The following PCDHGA6 variants were observed in gnomAD, a reference collection of about 807,000 sequenced individuals.
PCDHGA6 encodes the protein protocadherin gamma-A6.
A neutral mutation model predicts 60.6 loss-of-function variants in PCDHGA6; 41 were observed. That is an observed-to-expected ratio of 0.68 (90% CI 0.53 to 0.88). The LOEUF (loss-of-function observed/expected upper bound fraction) is 0.88. Among genes scored for constraint, PCDHGA6 ranks in the 40% least tolerant of loss-of-function variants. The pLI is 0.00. For synonymous variants in PCDHGA6, 594 were observed against 524.4 expected (o/e 1.13, Z -1.81); for missense variants, 1,312 against 1,203.0 (o/e 1.09, Z -1.34).
Position 141,493,788 on chromosome 5 carries a change from C to A in PCDHGA6, c.2425-1019C>A, listed in dbSNP as rs2099750132. On this transcript the variant is annotated intron_variant, in intron 1 of 3. Transcript: ENST00000517434. This position sits in a 1 kb window ranked among gnomAD's most constrained non-coding sequence, Gnocchi z 4.3. ...ACTGGCAGTTCCGGAGCTTCCTTCT[C>A]CCTGGAGTAATCTGAGATACTCACA... 6.6e-6 allele frequency among the ~76,000 whole-genome samples: 1 copy of A among 152,162 alleles called. No homozygotes were observed. The highest frequency in any genetic ancestry group is 1.5e-5 in the Non-Finnish European group (1 of 68,026).
rs1247382831 is a variant in PCDHGA6 at position 141,388,673 on chromosome 5, G to A, written c.2424+12166G>A. On this transcript the variant is annotated intron_variant, in intron 1 of 3. Transcript: ENST00000517434. ...TGTACCCGGGGACCACGGTGCTACA[G>A]GTGACTGCCACGGACCAGGATGAGG... The A allele has an allele frequency of 2.5e-6, 4 of 1,613,942 alleles. No homozygotes were observed. In the South Asian group the frequency reaches 3.3e-5, roughly 13 times the overall value.
rs751145850 is a variant in PCDHGA6 at position 141,432,148 on chromosome 5, G to A, written c.2424+55641G>A. The A allele has an allele frequency of 6.1e-5, 99 of 1,613,884 alleles. No individual in the cohort carries two copies. The Admixed American group carries it at 1.5e-3, about 24-fold the overall frequency. On this transcript the variant is annotated intron_variant, in intron 1 of 3. Transcript: ENST00000517434. The surrounding 1 kb of genome is among the most constrained non-coding windows in gnomAD (Gnocchi z 6.0). ...CCTCCTATTCCGCTTATATCCCAGA[G>A]AACAATCCCAGAGGAGTTTCCCTCG...
intron 1 of PCDHGA6, among the ~76,000 whole-genome samples, chr5:141,474,250 A>G (rs2099346141): frequency 6.6e-6 from 1 of 152,236 alleles, no homozygotes; most frequent in East Asian, 1.9e-4. Flanking sequence ...GGGGAAAAAA[A>G]GACTGATAAA....
intron 1 of PCDHGA6, among the ~76,000 whole-genome samples, chr5:141,380,866 A>G (rs945856253): frequency 3.3e-5 from 5 of 152,264 alleles, no homozygotes; most frequent in Admixed American, 3.3e-4. Context: ...GAGAGCTATA[A>G]CCTCCAAACA....
At chr5:141,388,112 C>T (rs1399745232) in intron 1 of PCDHGA6, 1 of 1,408,080 alleles carries the variant, frequency 7.1e-7, no homozygotes, top group South Asian at 1.2e-5. Flanking sequence ...CTTACTTCAC[C>T]GTGAGCGCAG....
chr5:141,467,042 G>T (rs2099134710), intron 1 of PCDHGA6, among the ~76,000 whole-genome samples: 1 of 149,884 alleles, frequency 6.7e-6, no homozygotes. Context: ...TTTGTGTAAT[G>T]AATCAATGTT....
At chr5:141,429,599 A>G (rs2097227286) in intron 1 of PCDHGA6, among the ~76,000 whole-genome samples, 1 of 152,238 alleles carries the variant, frequency 6.6e-6, no homozygotes, top group Non-Finnish European at 1.5e-5. Flanking sequence ...TAATTCAAGT[A>G]AACTCAATTT....
intron 1 of PCDHGA6, among the ~76,000 whole-genome samples, chr5:141,453,823 G>A (rs2154564414): frequency 6.6e-6 from 1 of 152,250 alleles, no homozygotes; most frequent in South Asian, 2.1e-4. Flanking sequence ...GACAAACTTG[G>A]CTGCTAGCCC....
rs1428910817 is a variant in PCDHGA6, at chr5:141,390,296, A to G, written c.2424+13789A>G. ...CTTCCCATCAGGTGAGTTTCCTTTA[A>G]GTATAATTTAATGCTCATTGCCTAC... On this transcript the variant is annotated intron_variant, in intron 1 of 3. Coordinates refer to ENST00000517434, the MANE Select transcript of PCDHGA6 (RefSeq NM_018919.3). 7 of 1,613,806 alleles carry G rather than the reference A, an allele frequency of 4.3e-6. No individual in the cohort carries two copies. The Admixed American group carries it at 1.2e-4, about 27-fold the overall frequency.
chr5:141,479,767 C>G (rs2099505975), intron 1 of PCDHGA6: 1 of 152,174 alleles, frequency 6.6e-6, no homozygotes, highest in African/African-American at 2.4e-5. Flanking sequence ...AAATTCATAT[C>G]CTTAGACAGG....
rs1184232947 is a variant in PCDHGA6 at position 141,487,060 on chromosome 5, G to T, written c.2425-7747G>T. ...TCTCTCGATATGCTGGGGAGGTGCG[G>T]ACGGCTGTTCCTATCCCAGCTGACC... On this transcript the variant is annotated intron_variant, in intron 1 of 3. Transcript: ENST00000517434. This position sits in a 1 kb window ranked among gnomAD's most constrained non-coding sequence, Gnocchi z 5.0. The T allele has an allele frequency of 1.9e-6, 3 of 1,614,182 alleles. No individual in the cohort carries two copies. In the East Asian group the frequency reaches 6.7e-5, roughly 36 times the overall value.
At chr5:141,478,559 A>T (rs938780510) in intron 1 of PCDHGA6, 1 of 1,599,454 alleles carries the variant, frequency 6.3e-7, no homozygotes, top group Non-Finnish European at 8.5e-7. Context: ...AAGGTTTAGC[A>T]AGTCATGCTT....
At chr5:141,473,808 C>G (rs1562041705) in intron 1 of PCDHGA6, among the ~76,000 whole-genome samples, 1 of 152,198 alleles carries the variant, frequency 6.6e-6, no homozygotes, top group Non-Finnish European at 1.5e-5. Flanking sequence ...TACTGAGGAG[C>G]AGCTGGACAA....
At chr5:141,419,542 G>C (rs771168003) in intron 1 of PCDHGA6, 3 of 1,612,016 alleles carry the variant, frequency 1.9e-6, no homozygotes, top group South Asian at 2.2e-5. Flanking sequence ...ACGCACCGCG[G>C]GTGCTGTACC....
At position 141,413,874 on chromosome 5, in the gene PCDHGA6, T is replaced by G. The variant is rs1371905896; in HGVS notation, c.2424+37367T>G. ...TCCGATCTGGCACTGTCCTTGTCAG[T>G]GTGACTGTCTTCGATGCAAATGACA... is the stretch of plus-strand genomic sequence containing the variant. On this transcript the variant is annotated intron_variant, in intron 1 of 3. Coordinates refer to ENST00000517434, the MANE Select transcript of PCDHGA6 (RefSeq NM_018919.3). 6 of 1,613,306 alleles carry G rather than the reference T, an allele frequency of 3.7e-6. No homozygotes were observed. In the African/African-American group the frequency reaches 8.0e-5, roughly 22 times the overall value.
At chr5:141,483,076 C>A (rs964178941) in intron 1 of PCDHGA6, among the ~76,000 whole-genome samples, 8 of 152,044 alleles carry the variant, frequency 5.3e-5, no homozygotes, top group Non-Finnish European at 8.8e-5. Context: ...CAGAGAGAGA[C>A]TCCATCTCAA....
At chr5:141,403,227 G>A (rs2094378929) in intron 1 of PCDHGA6, 4 of 1,608,848 alleles carry the variant, frequency 2.5e-6, no homozygotes, top group African/African-American at 1.3e-5. Flanking sequence ...AGGATAGACC[G>A]GGAGGAGCTC....
intron 1 of PCDHGA6, chr5:141,408,940 A>G: frequency 1.2e-6 from 2 of 1,613,658 alleles, no homozygotes; most frequent in Non-Finnish European, 1.7e-6. Context: ...GCAGAGACGA[A>G]TATAGAATTA....
chr5:141,477,351 G>A lies in PCDHGA6; in HGVS notation c.2425-17456G>A. 6.2e-7 allele frequency: 1 copy of A among 1,614,126 alleles called. No homozygotes were observed. The highest frequency in any genetic ancestry group is 8.5e-7 in the Non-Finnish European group (1 of 1,180,018). On this transcript the variant is annotated intron_variant, in intron 1 of 3. Transcript: ENST00000517434. This position sits in a 1 kb window ranked among gnomAD's most constrained non-coding sequence, Gnocchi z 4.9. ...AAGAATTACTTCACTTTGAAAACCA[G>A]TGCAGACCTGGATCGGGAGACTGTG...
Sources: gnomAD v4.1 joint callset for allele counts (sites outside exome capture counted in the v4.1 genomes callset) on GRCh38, gnomAD v4.1.1 for gene constraint, Gnocchi (gnomAD v3.1) non-coding constraint, MANE v1.5 for transcripts, NCBI Gene and HGNC (gene_info 2026-07-23, HGNC 2026-07-21) for gene names.